The following FUT8 variants were observed in gnomAD, a reference collection of about 807,000 sequenced individuals.
FUT8 encodes alpha-(1,6)-fucosyltransferase.
In FUT8, 29 loss-of-function variants were observed where a neutral mutation model predicts 71.3. The observed-to-expected ratio is 0.41, with a 90% CI of 0.30 to 0.55. The LOEUF is 0.55. FUT8 is among the 20% of genes least tolerant of loss of function. The probability of loss-of-function intolerance (pLI) is 0.34; values close to 1 mark genes in which losing one functional copy is unlikely to be tolerated. For missense variants in FUT8, 544 were observed against 702.1 expected, an observed-to-expected ratio of 0.77 and a Z score of 2.55; for synonymous variants, 254 against 239.3, an observed-to-expected ratio of 1.06 and a Z score of -0.57.
At chr14:65,658,439 T>G (rs1714813361) in intron 6 of FUT8, among the ~76,000 whole-genome samples, 1 of 152,110 alleles carries the variant, frequency 6.6e-6, no homozygotes, top group Non-Finnish European at 1.5e-5. Context: ...CTGTATATCC[T>G]AGAGAAAACC....
chr14:65,501,338 C>T (rs1367746475), intron 2 of FUT8, among the ~76,000 whole-genome samples: 1 of 152,146 alleles, frequency 6.6e-6, no homozygotes, highest in African/African-American at 2.4e-5. Context: ...ACAATATTTG[C>T]AGGAATTAGC....
intron 3 of FUT8, among the ~76,000 whole-genome samples, chr14:65,588,675 T>G (rs1357847114): frequency 6.6e-6 from 1 of 151,874 alleles, no homozygotes; most frequent in Non-Finnish European, 1.5e-5. Flanking sequence ...TTCTGCAGTT[T>G]CAGTATACAC....
intron 2 of FUT8, among the ~76,000 whole-genome samples, chr14:65,527,975 C>A (rs1309509223): frequency 6.6e-6 from 1 of 152,182 alleles, no homozygotes; most frequent in Non-Finnish European, 1.5e-5. Context: ...GGGTGCCTCC[C>A]AGTTAGGCTA....
chr14:65,435,048 G>A (rs780240492), intron 1 of FUT8, among the ~76,000 whole-genome samples: 1 of 151,958 alleles, frequency 6.6e-6, no homozygotes, highest in African/African-American at 2.4e-5. Context: ...TTACTTTTCC[G>A]AATGTCATAC....
intron 2 of FUT8, among the ~76,000 whole-genome samples, chr14:65,513,136 A>C (rs962047930): frequency 2.6e-5 from 4 of 152,102 alleles, no homozygotes; most frequent in African/African-American, 4.8e-5. Flanking sequence ...TGTTTTAATC[A>C]CTTGCATCTG....
chr14:65,402,973 T>C, the FUT8 span, among the ~76,000 whole-genome samples: 3 of 152,338 alleles, frequency 2.0e-5, no homozygotes, highest in African/African-American at 7.2e-5. Context: ...TGTTATAGCA[T>C]GTACTGCAGA....
chr14:65,552,444 T>C (rs2140008259), intron 2 of FUT8, among the ~76,000 whole-genome samples: 1 of 152,330 alleles, frequency 6.6e-6, no homozygotes, highest in South Asian at 2.1e-4. Flanking sequence ...TAGATTTAGG[T>C]AGATTTCTTC....
chr14:65,555,857 C>CT (rs1214242915), intron 2 of FUT8, among the ~76,000 whole-genome samples: 3 of 152,074 alleles, frequency 2.0e-5, no homozygotes, highest in Non-Finnish European at 4.4e-5. Flanking sequence ...AATAAATGTG[C>CT]TTTTTTACCT....
At chr14:65,674,271 G>T (rs2140385639) in intron 7 of FUT8, among the ~76,000 whole-genome samples, 1 of 152,170 alleles carries the variant, frequency 6.6e-6, no homozygotes, top group South Asian at 2.1e-4. Context: ...TCTGTTTAGG[G>T]GATCTGAGGG....
chr14:65,559,503 G>A (rs753546009), intron 2 of FUT8, among the ~76,000 whole-genome samples: 2 of 151,416 alleles, frequency 1.3e-5, no homozygotes, highest in Non-Finnish European at 2.9e-5. Flanking sequence ...TTTGGTGTCC[G>A]TGGAGGGTAC....
At chr14:65,388,155 T>C in the FUT8 span, among the ~76,000 whole-genome samples, 1 of 152,224 alleles carries the variant, frequency 6.6e-6, no homozygotes, top group Non-Finnish European at 1.5e-5. Context: ...AGTATGGAAC[T>C]CCCATTTTGC....
At chr14:65,459,065 A>G (rs912236614) in intron 2 of FUT8, among the ~76,000 whole-genome samples, 5 of 152,146 alleles carry the variant, frequency 3.3e-5, no homozygotes, top group Non-Finnish European at 4.4e-5. Context: ...CTGGGATTAT[A>G]GATGTGAGGC....
chr14:65,406,694 C>T (rs1459273689), upstream of FUT8, among the ~76,000 whole-genome samples: 2 of 152,116 alleles, frequency 1.3e-5, no homozygotes, highest in Non-Finnish European at 1.5e-5. Flanking sequence ...CACTACCACG[C>T]CCAGCTAATT....
chr14:65,621,592 G>A (rs1054889549), intron 5 of FUT8, among the ~76,000 whole-genome samples: 4 of 147,134 alleles, frequency 2.7e-5, no homozygotes, highest in South Asian at 2.2e-4. Context: ...ATGGAGTTTC[G>A]CTCTTGTTGC....
At chr14:65,600,017 G>C (rs1888214955) in intron 3 of FUT8, among the ~76,000 whole-genome samples, 1 of 152,154 alleles carries the variant, frequency 6.6e-6, no homozygotes, top group Non-Finnish European at 1.5e-5. Context: ...TTGTAGTCTA[G>C]AAAATTTTTT....
chr14:65,741,970 G>A (rs1896525327), intron 10 of FUT8, 123 bp from the exon 11 acceptor site: 1 of 691,534 alleles, frequency 1.4e-6, no homozygotes, highest in African/African-American at 1.8e-5. Context: ...GAAAGCTTGT[G>A]ACTAGAATCC....
At chr14:65,587,819 T>C (rs1297072105) in intron 3 of FUT8, among the ~76,000 whole-genome samples, 1 of 152,220 alleles carries the variant, frequency 6.6e-6, no homozygotes, top group Non-Finnish European at 1.5e-5. Context: ...TCTGAATTAA[T>C]GACAAATGTG....
chr14:65,566,662 C>T (rs1484863872), intron 3 of FUT8, among the ~76,000 whole-genome samples: 2 of 151,916 alleles, frequency 1.3e-5, no homozygotes, highest in Non-Finnish European at 2.9e-5. Flanking sequence ...AGAGGTAATG[C>T]AACTTACACT....
the FUT8 span, among the ~76,000 whole-genome samples, chr14:65,403,149 G>A: frequency 6.6e-6 from 1 of 152,276 alleles, no homozygotes; most frequent in African/African-American, 2.4e-5. Context: ...AGCCATAAAT[G>A]GCTAATATTT....
Sources: allele counts gnomAD v4.1 joint callset (sites outside exome capture counted in the v4.1 genomes callset), GRCh38; gene constraint gnomAD v4.1.1; transcripts MANE v1.5; gene names NCBI Gene and HGNC (gene_info 2026-07-23, HGNC 2026-07-21).